Variants in TFEC observed in about 807,000 individuals in gnomAD.
The protein encoded by TFEC is class E basic helix-loop-helix protein 34.
Under a neutral mutation model 41.6 loss-of-function variants are expected in TFEC, and 31 were observed. The ratio of observed to expected loss-of-function variants is 0.74; its 90% CI spans 0.56 to 1.01. The LOEUF (loss-of-function observed/expected upper bound fraction) is 1.01. Among genes scored for constraint, TFEC ranks in the 50% least tolerant of loss-of-function variants. TFEC has a pLI of 0.00. For missense variants in TFEC, 402 were observed against 404.1 expected, an observed-to-expected ratio of 0.99 and a Z score of 0.04; for synonymous variants, 143 against 140.6, an observed-to-expected ratio of 1.02 and a Z score of -0.12.
chr7:115,953,429 C>T (rs1362128108), intron 5 of TFEC, among the ~76,000 whole-genome samples: 1 of 151,918 alleles, frequency 6.6e-6, no homozygotes, highest in Non-Finnish European at 1.5e-5. Flanking sequence ...CCTCCAAAAG[C>T]AAGATGATGT....
chr7:116,150,016 TCCTC>T, intron 1 of TFEC, among the ~76,000 whole-genome samples: 1 of 152,042 alleles, frequency 6.6e-6, no homozygotes, highest in Non-Finnish European at 1.5e-5. Context: ...ATATACTTTC[TCCTC>T]CCTATCTTGT....
chr7:116,038,970 T>C (rs1288581705), intron 3 of TFEC, among the ~76,000 whole-genome samples: 2 of 152,082 alleles, frequency 1.3e-5, no homozygotes. Context: ...CGAAACGGGA[T>C]GTGGAAAACC....
intron 1 of TFEC, among the ~76,000 whole-genome samples, chr7:116,006,370 T>C (rs1367829055): frequency 6.6e-6 from 1 of 152,146 alleles, no homozygotes; most frequent in African/African-American, 2.4e-5. Context: ...ACCATGAGAA[T>C]CCACCTCTTG....
chr7:115,961,474 A>G (rs928414706), intron 3 of TFEC, among the ~76,000 whole-genome samples: 4 of 151,648 alleles, frequency 2.6e-5, no homozygotes, highest in African/African-American at 9.7e-5. Flanking sequence ...TTTGAATTAT[A>G]TAAATTAACC....
At chr7:116,139,297 G>A (rs548719533) in intron 1 of TFEC, among the ~76,000 whole-genome samples, 6 of 152,226 alleles carry the variant, frequency 3.9e-5, no homozygotes, top group Non-Finnish European at 8.8e-5. Flanking sequence ...TAACACGGGC[G>A]TCCCAGGAAC....
rs1584560031 is a variant in TFEC at position 115,947,781 on chromosome 7, G to A, written c.515+3093C>T. Among the ~76,000 whole-genome samples, 3 of 150,674 alleles carry A rather than the reference G, an allele frequency of 2.0e-5. No homozygotes were observed. In the East Asian group the frequency reaches 5.9e-4, roughly 29 times the overall value. On this transcript the variant is annotated intron_variant, in intron 6 of 7. Coordinates refer to ENST00000265440, the MANE Select transcript of TFEC (RefSeq NM_012252.4). ...TTGATGGGGTTGTTTGTTTTTTCTT[G>A]TAAATTTGTTTAAGTTCATTGTAGA...
intron 1 of TFEC, among the ~76,000 whole-genome samples, chr7:116,000,096 C>A (rs546443636): frequency 3.3e-5 from 5 of 152,106 alleles, no homozygotes; most frequent in African/African-American, 7.2e-5. Context: ...CTAAATTCAA[C>A]AACACATTAA....
chr7:115,938,914 T>C lies in TFEC; in HGVS notation c.*1637A>G, dbSNP rs1793356032. ...TCCCCAACAGACATCTTCTAGGGCATCCAGATCTTTCTAATTAAAGTCCTA... is the reference window on the plus strand; with the variant it reads ...TCCCCAACAGACATCTTCTAGGGCACCCAGATCTTTCTAATTAAAGTCCTA... On this transcript the variant is annotated 3_prime_UTR_variant, in exon 8 of 8. Coordinates refer to ENST00000265440, the MANE Select transcript of TFEC (RefSeq NM_012252.4). The C allele has an allele frequency of 6.6e-6, 1 of 151,982 alleles. No individual in the cohort carries two copies. Among genetic ancestry groups the C allele is most frequent in the Non-Finnish European group, 1.5e-5 (1 of 67,932 alleles). The allele number at this position is 151,982 out of a possible 1,614,324, so 9.4% of individuals were successfully genotyped here.
intron 1 of TFEC, among the ~76,000 whole-genome samples, chr7:115,997,098 A>G (rs1794398213): frequency 6.6e-6 from 1 of 152,100 alleles, no homozygotes. Context: ...ATAAACAGTA[A>G]TCAAGCAATG....
chr7:115,984,273 C>T lies in TFEC; in HGVS notation c.169G>A (p.Ala57Thr). 2 of 1,613,842 alleles carry T rather than the reference C, an allele frequency of 1.2e-6. No homozygotes were observed. Among genetic ancestry groups the T allele is most frequent in the Non-Finnish European group, 1.7e-6 (2 of 1,179,814 alleles). Residue 57 changes from alanine (A) to threonine (T), a missense_variant, in exon 2 of 8, where the codon GCA becomes ACA. Transcript: ENST00000265440. ...GCCATTAGACATACATGCCATTGTG[C>T]ATTGTCATCTTCTTTCCCAATAGCT... is the stretch of plus-strand genomic sequence containing the variant. Reference protein sequence around the residue: ...LLAIGKEDDNAQWHMEDVIED... With the variant: ...LLAIGKEDDNTQWHMEDVIED...
chr7:116,134,014 T>C (rs1318193248), intron 1 of TFEC, among the ~76,000 whole-genome samples: 1 of 152,200 alleles, frequency 6.6e-6, no homozygotes, highest in Non-Finnish European at 1.5e-5. Flanking sequence ...AGCCAAGAGA[T>C]AGCAGGCCAG....
intron 3 of TFEC, among the ~76,000 whole-genome samples, chr7:116,092,566 G>A (rs939261652): frequency 3.3e-5 from 5 of 152,084 alleles, no homozygotes; most frequent in Non-Finnish European, 7.4e-5. Context: ...GTTTAAGAAG[G>A]AAGTTTAATA....
rs547949427 is a variant in TFEC, at chr7:115,992,580, A to G, written c.-72-8067T>C. 5.9e-5 allele frequency among the ~76,000 whole-genome samples: 9 copies of G among 151,954 alleles called. No homozygotes were observed. The East Asian group carries it at 1.5e-3, about 26-fold the overall frequency. ...ACCATCAGAGAATACTATAAAAACT[A>G]TGCAAATAAACTAGAAAATCTAGAA... On this transcript the variant is annotated intron_variant, in intron 1 of 7. Coordinates refer to ENST00000265440, the MANE Select transcript of TFEC (RefSeq NM_012252.4).
intron 3 of TFEC, among the ~76,000 whole-genome samples, chr7:116,053,556 G>T (rs1796363009): frequency 6.6e-6 from 1 of 152,150 alleles, no homozygotes; most frequent in Admixed American, 6.5e-5. Flanking sequence ...TGATCATGAG[G>T]GCAGAGCCCT....
At chr7:116,031,535 C>G (rs1795782341), upstream of TFEC, among the ~76,000 whole-genome samples, 1 of 152,114 alleles carries the variant, frequency 6.6e-6, no homozygotes, top group East Asian at 1.9e-4. Flanking sequence ...CTGTGAAAAT[C>G]TGAATTCATT....
chr7:115,951,840 T>C (rs572418513), intron 5 of TFEC, among the ~76,000 whole-genome samples: 10 of 152,068 alleles, frequency 6.6e-5, no homozygotes, highest in Non-Finnish European at 1.2e-4. Context: ...ATGTTCAACA[T>C]ACAATATATA....
chr7:116,095,453 C>T (rs535099001), intron 3 of TFEC, among the ~76,000 whole-genome samples: 2 of 152,266 alleles, frequency 1.3e-5, no homozygotes, highest in South Asian at 2.1e-4. Context: ...TACACATATA[C>T]ATACACACAT....
rs185593544 is a variant in TFEC at position 116,014,066 on chromosome 7, C to T, written c.-73+16567G>A. 2.1e-3 allele frequency among the ~76,000 whole-genome samples: 321 copies of T among 152,174 alleles called. 1 individual carries two copies. Among genetic ancestry groups the T allele is most frequent in the African/African-American group, 7.4e-3 (308 of 41,540 alleles). Reference sequence around the variant, plus strand: ...TACACTGAACAGACCCAGCCTTCTTCTCCAGGAGAAATTTTAGTTTCTTGA... The same window carrying T: ...TACACTGAACAGACCCAGCCTTCTTTTCCAGGAGAAATTTTAGTTTCTTGA... On this transcript the variant is annotated intron_variant, in intron 1 of 7. Transcript: ENST00000265440.
intron 1 of TFEC, among the ~76,000 whole-genome samples, chr7:116,130,373 G>A (rs1243699297): frequency 6.6e-6 from 1 of 152,100 alleles, no homozygotes; most frequent in Non-Finnish European, 1.5e-5. Context: ...GTAAGCAAAT[G>A]GCAGAAATTT....
Sources: gnomAD v4.1 joint callset for allele counts (sites outside exome capture counted in the v4.1 genomes callset) on GRCh38, gnomAD v4.1.1 for gene constraint, MANE v1.5 for transcripts, NCBI Gene and HGNC (gene_info 2026-07-23, HGNC 2026-07-21) for gene names.